Variants in RNF19B observed in about 807,000 individuals in gnomAD.
The protein encoded by RNF19B is E3 ubiquitin-protein ligase RNF19B.
A neutral mutation model predicts 65.5 loss-of-function variants in RNF19B; 23 were observed. That is an observed-to-expected ratio of 0.35 (90% CI 0.25 to 0.50). The LOEUF is 0.50. Among genes scored for constraint, RNF19B ranks in the 20% least tolerant of loss-of-function variants. The probability of loss-of-function intolerance (pLI) is 0.98; values close to 1 mark genes in which losing one functional copy is unlikely to be tolerated. For synonymous variants in RNF19B, 372 were observed against 379.6 expected (o/e 0.98, Z 0.23); for missense variants, 794 against 980.0 (o/e 0.81, Z 2.53).
At chr1:32,948,179 G>C (rs575305374) in intron 3 of RNF19B, 43 bp downstream of exon 3, 2 of 1,597,554 alleles carry the variant, frequency 1.3e-6, no homozygotes, top group South Asian at 2.2e-5. Context: ...AAATCAGTAA[G>C]AGAATGAGAC....
intron 1 of RNF19B, among the ~76,000 whole-genome samples, 167 bp downstream of exon 1, chr1:32,963,884 G>A (rs1642833195): frequency 6.6e-6 from 1 of 152,206 alleles, no homozygotes; most frequent in Non-Finnish European, 1.5e-5. Context: ...GCGGGGTGTC[G>A]GGTGCGTTCA....
At chr1:32,947,783 G>C (rs1010578452) in intron 3 of RNF19B, among the ~76,000 whole-genome samples, 1 of 152,014 alleles carries the variant, frequency 6.6e-6, no homozygotes, top group Non-Finnish European at 1.5e-5. Context: ...AGATAGGTAC[G>C]TGAAGTGTAA....
At chr1:32,938,968 C>A (rs1642171378) in intron 7 of RNF19B, among the ~76,000 whole-genome samples, 1 of 152,182 alleles carries the variant, frequency 6.6e-6, no homozygotes, top group South Asian at 2.1e-4. Context: ...CCCTATAGAT[C>A]CGAAATCATA....
chr1:32,957,414 C>A (rs1039166045), intron 1 of RNF19B, among the ~76,000 whole-genome samples: 1 of 150,800 alleles, frequency 6.6e-6, no homozygotes, highest in African/African-American at 2.5e-5. Context: ...GAATAATTTT[C>A]TATCTATCTA....
chr1:32,953,647 T>A (rs1457646720), intron 1 of RNF19B, among the ~76,000 whole-genome samples: 1 of 151,832 alleles, frequency 6.6e-6, no homozygotes, highest in African/African-American at 2.4e-5. Flanking sequence ...CCTGTAGGAG[T>A]TCTGGGCAAA....
chr1:32,964,502 G>T lies in RNF19B; in HGVS notation c.184C>A (p.Gln62Lys), dbSNP rs1490366279. 1.1e-6 allele frequency: 1 copy of T among 951,432 alleles called. No homozygotes were observed. The highest frequency in any genetic ancestry group is 1.2e-6 in the Non-Finnish European group (1 of 801,952). 58.9% of individuals were successfully genotyped at this position (951,432 alleles called of 1,614,324 possible). ...PQAEPPPPAA[Q>K]PPPAPAPAAA... ...GCAGGGGCCGGGGCGGGCGGCGGCTGCGCAGCCGGGGGCGGCGGCTCGGCC... is the reference window on the plus strand; with the variant it reads ...GCAGGGGCCGGGGCGGGCGGCGGCTTCGCAGCCGGGGGCGGCGGCTCGGCC... Residue 62 changes from glutamine (Q) to lysine (K), a missense_variant, in exon 1 of 9, where the codon CAG (glutamine) becomes AAG (lysine). By Grantham distance (53) the Gln-to-Lys change is moderately conservative. This residue lies in a region of RNF19B where 374 missense variants were observed against 423.8 expected (regional missense o/e 0.88). Coordinates refer to ENST00000235150, the MANE Select transcript of RNF19B (RefSeq NM_001300826.2). The surrounding 1 kb of genome is among the most constrained non-coding windows in gnomAD (Gnocchi z 6.5).
At chr1:32,935,326 C>T (rs1642078774), downstream of RNF19B, among the ~76,000 whole-genome samples, 1 of 149,834 alleles carries the variant, frequency 6.7e-6, no homozygotes, top group African/African-American at 2.5e-5. Flanking sequence ...TTAGTAGAAA[C>T]GGGGGTTTCA....
At chr1:32,935,762 CTTTT>C (rs60210761), downstream of RNF19B, among the ~76,000 whole-genome samples, 2 of 149,362 alleles carry the variant, frequency 1.3e-5, no homozygotes, top group South Asian at 4.2e-4. Flanking sequence ...ACTGAGAACT[CTTTT>C]TTTTTTGAGA....
chr1:32,953,564 A>G (rs1005757461), intron 1 of RNF19B, among the ~76,000 whole-genome samples: 1 of 152,078 alleles, frequency 6.6e-6, no homozygotes, highest in Non-Finnish European at 1.5e-5. Flanking sequence ...TATATAATAC[A>G]GGCTGTATTA....
intron 1 of RNF19B, among the ~76,000 whole-genome samples, chr1:32,951,476 C>T (rs772108227): frequency 9.2e-5 from 14 of 152,328 alleles, no homozygotes; most frequent in Non-Finnish European, 1.6e-4. Flanking sequence ...CAGTTGGGGT[C>T]CATTTCGAGC....
Position 32,954,020 on chromosome 1 carries a change from T to C in RNF19B, c.636-4246A>G, listed in dbSNP as rs375184039. Among the ~76,000 whole-genome samples the C allele has an allele frequency of 3.1e-3, 469 of 149,882 alleles. 3 individuals are homozygous for C. Among genetic ancestry groups the C allele is most frequent in the African/African-American group, 0.011 (445 of 40,934 alleles). ...GCCTCCTGGGTTCAAGCGATTCTCC[T>C]GCCTCAGCCTCCCAAGTAGCTGGGC... On this transcript the variant is annotated intron_variant, in intron 1 of 8. Coordinates refer to ENST00000235150, the MANE Select transcript of RNF19B (RefSeq NM_001300826.2).
At chr1:32,956,356 GAC>G (rs2124176116) in intron 1 of RNF19B, among the ~76,000 whole-genome samples, 1 of 151,712 alleles carries the variant, frequency 6.6e-6, no homozygotes, top group South Asian at 2.1e-4. Flanking sequence ...CAGCCTGGGT[GAC>G]AGAGTGAGAC....
downstream of RNF19B, among the ~76,000 whole-genome samples, chr1:32,932,761 T>C (rs994563502): frequency 6.6e-6 from 1 of 152,194 alleles, no homozygotes; most frequent in African/African-American, 2.4e-5. Context: ...GTTTGGCTAA[T>C]CTACACAATC....
Position 32,964,064 on chromosome 1 carries a change from C to T in RNF19B, c.622G>A (p.Ala208Thr). The T allele has an allele frequency of 6.6e-7, 1 of 1,513,938 alleles. No homozygotes were observed. Among genetic ancestry groups the T allele is most frequent in the Non-Finnish European group, 8.8e-7 (1 of 1,131,466 alleles). The allele number at this position is 1,513,938 out of a possible 1,614,324, so 93.8% of individuals were successfully genotyped here. ...ASDPDCRWCP[A>T]PDCGYAVIAY... ...CCCCGCGCTCACCCGCAGTCCGGGG[C>T]CGGGCACCAGCGGCAGTCGGGGTCC... The change falls in exon 1 of 9, where the codon GCC becomes ACC. Residue 208 changes from alanine to threonine, a missense_variant. Around this residue, in one of 3 missense-constraint regions of RNF19B, gnomAD observed 374 missense variants for 423.8 expected, o/e 0.88. Transcript: ENST00000235150. This position sits in a 1 kb window ranked among gnomAD's most constrained non-coding sequence, Gnocchi z 6.5.
At position 32,936,733 on chromosome 1, in the gene RNF19B, G is replaced by GA. The variant is rs36040674; in HGVS notation, c.*72dup. On this transcript the variant is annotated 3_prime_UTR_variant, in exon 9 of 9. Coordinates refer to ENST00000235150, the MANE Select transcript of RNF19B (RefSeq NM_001300826.2). ...AAAATACATAAATCTCTACCCCTTG[G>GA]AAAAAAAAAAAAAAAAATTCCAAAA... 0.21 allele frequency: 233,401 copies of GA among 1,130,432 alleles called. 1,962 individuals are homozygous for GA. The highest frequency in any genetic ancestry group is 0.28 in the African/African-American group (16,699 of 60,252). 70.0% of individuals were successfully genotyped at this position (1,130,432 alleles called of 1,614,324 possible). A position where few individuals can be genotyped will look rare whatever the true frequency, so the allele number is the denominator to read the frequency against.
In RNF19B at chr1:32,964,739, T is replaced by TCAGCGCCCCTCAGC. The variant is rs1553147047; in HGVS notation, c.-68_-55dup. ...GCCCAGCGCCGCCACAGCTCCCGCCTCAGCGCCCCTCAGCCAGCGCCCGGC... is the reference window on the plus strand; with the variant it reads ...GCCCAGCGCCGCCACAGCTCCCGCCTCAGCGCCCCTCAGCCAGCGCCCCTCAGCCAGCGCCCGGC... On this transcript the variant is annotated 5_prime_UTR_variant, in exon 1 of 9. Coordinates refer to ENST00000235150, the MANE Select transcript of RNF19B (RefSeq NM_001300826.2). The surrounding 1 kb of genome is among the most constrained non-coding windows in gnomAD (Gnocchi z 6.5). 23 of 1,315,726 alleles carry TCAGCGCCCCTCAGC rather than the reference T, an allele frequency of 1.7e-5. No individual in the cohort carries two copies. The highest frequency in any genetic ancestry group is 8.5e-5 in the Admixed American group (2 of 23,426). 81.5% of individuals were successfully genotyped at this position (1,315,726 alleles called of 1,614,324 possible).
chr1:32,960,736 G>A (rs1304034813), intron 1 of RNF19B, among the ~76,000 whole-genome samples: 1 of 152,014 alleles, frequency 6.6e-6, no homozygotes, highest in Admixed American at 6.6e-5. Context: ...AAAAGAGGCA[G>A]CAATAATCCC....
At position 32,939,466 on chromosome 1, in the gene RNF19B, G is replaced by A. The variant is rs370624528; in HGVS notation, c.1611-938C>T. ...AAAGGTGCTGGGATTACAGGCGTGC[G>A]CAGGCCCTGCCTACTTATTATTATG... On this transcript the variant is annotated intron_variant, in intron 7 of 8. Coordinates refer to ENST00000235150, the MANE Select transcript of RNF19B (RefSeq NM_001300826.2). 3.9e-5 allele frequency among the ~76,000 whole-genome samples: 6 copies of A among 152,290 alleles called. No homozygotes were observed. In the East Asian group the frequency reaches 1.2e-3, roughly 29 times the overall value.
At chr1:32,960,745 C>A (rs1479067455) in intron 1 of RNF19B, among the ~76,000 whole-genome samples, 1 of 152,040 alleles carries the variant, frequency 6.6e-6, no homozygotes, top group Non-Finnish European at 1.5e-5. Flanking sequence ...AGCAATAATC[C>A]CAGCACTTTG....
Sources: allele counts gnomAD v4.1 joint callset (sites outside exome capture counted in the v4.1 genomes callset), GRCh38; gene constraint gnomAD v4.1.1; regional missense constraint gnomAD v4.1.1; non-coding constraint Gnocchi (gnomAD v3.1); transcripts MANE v1.5; gene names NCBI Gene and HGNC (gene_info 2026-07-23, HGNC 2026-07-21).